Variants in FLRT2 observed in about 807,000 individuals in gnomAD.
The protein encoded by FLRT2 is fibronectin leucine rich transmembrane protein 2.
FLRT2 carries 15 observed loss-of-function variants against 40.0 expected under a neutral mutation model. The ratio of observed to expected loss-of-function variants is 0.38; its 90% CI spans 0.25 to 0.58. The LOEUF (loss-of-function observed/expected upper bound fraction) is 0.58, where lower values mean the gene tolerates loss of function less well. Among genes scored for constraint, FLRT2 ranks in the 20% least tolerant of loss-of-function variants. FLRT2 has a pLI of 0.71. For synonymous variants in FLRT2, 380 were observed against 336.8 expected, an observed-to-expected ratio of 1.13 and a Z score of -1.41; for missense variants, 726 against 840.0, an observed-to-expected ratio of 0.86 and a Z score of 1.68.
At chr14:85,616,320 CA>C (rs59010798) in intron 1 of FLRT2, among the ~76,000 whole-genome samples, 12,739 of 127,588 alleles carry the variant, frequency 0.1, 797 homozygotes, top group African/African-American at 0.21. Context: ...ATTTAAAAGA[CA>C]AAAAAAAAAA....
chr14:85,559,452 T>C (rs1890173012), intron 1 of FLRT2: 1 of 152,220 alleles, frequency 6.6e-6, no homozygotes, highest in South Asian at 2.1e-4. Flanking sequence ...TACACCAAAA[T>C]GAGTATTAGT....
chr14:85,623,423 A>ACAGAC lies in FLRT2; in HGVS notation c.1910_1914dup (p.Cys639GlnfsTer37). On this transcript the variant is annotated frameshift_variant, in exon 2 of 2. Transcript: ENST00000330753. LOFTEE classifies it high-confidence loss of function. ...CACCCCAAATGGGGGCATTAATTAC[A>ACAGAC]CAGACTGCCATATCCCCAACAACAT... 3 of 1,498,916 alleles carry ACAGAC rather than the reference A, an allele frequency of 2.0e-6. No individual in the cohort carries two copies. Among genetic ancestry groups the ACAGAC allele is most frequent in the Non-Finnish European group, 2.7e-6 (3 of 1,126,660 alleles). 92.9% of individuals were successfully genotyped at this position (1,498,916 alleles called of 1,614,324 possible).
At chr14:85,595,802 G>T (rs564545418) in intron 1 of FLRT2, among the ~76,000 whole-genome samples, 73 of 152,302 alleles carry the variant, frequency 4.8e-4, no homozygotes, top group African/African-American at 1.6e-3. Flanking sequence ...TCAATATCAA[G>T]TAACAGACCC....
rs1444726560 is a variant in FLRT2, at chr14:85,628,502, A to T, written c.*5005A>T. The T allele has an allele frequency of 6.6e-6, 1 of 152,154 alleles. No homozygotes were observed. Among genetic ancestry groups the T allele is most frequent in the Non-Finnish European group, 1.5e-5 (1 of 68,046 alleles). 9.4% of individuals were successfully genotyped at this position (152,154 alleles called of 1,614,324 possible). On this transcript the variant is annotated 3_prime_UTR_variant, in exon 2 of 2. Transcript: ENST00000330753. ...TCTCATAGTACTTTTCTGCCGCAGAATTTATAGCACATCTGTCCATCCTTT... is the reference window on the plus strand; with the variant it reads ...TCTCATAGTACTTTTCTGCCGCAGATTTTATAGCACATCTGTCCATCCTTT...
intron 1 of FLRT2, among the ~76,000 whole-genome samples, chr14:85,586,057 A>C (rs1318786422): frequency 6.7e-6 from 1 of 148,436 alleles, no homozygotes; most frequent in Non-Finnish European, 1.5e-5. Context: ...TACTTAAGTG[A>C]TATAAGCTAT....
intron 1 of FLRT2, among the ~76,000 whole-genome samples, chr14:85,617,097 T>C (rs578220133): frequency 2.0e-4 from 31 of 152,090 alleles, no homozygotes; most frequent in African/African-American, 7.2e-4. Context: ...TGGCAACATC[T>C]GGAGACATTT....
intron 1 of FLRT2, among the ~76,000 whole-genome samples, chr14:85,603,941 C>T (rs1175357483): frequency 2.0e-5 from 3 of 152,150 alleles, no homozygotes. Context: ...CATAAGGTAA[C>T]TTTTCCTTGT....
chr14:85,560,550 C>T (rs976192225), intron 1 of FLRT2, among the ~76,000 whole-genome samples: 1 of 151,824 alleles, frequency 6.6e-6, no homozygotes, highest in Non-Finnish European at 1.5e-5. Context: ...CACTGCACTC[C>T]AGCCTGGGCT....
chr14:85,576,637 C>T (rs1891137870), intron 1 of FLRT2, among the ~76,000 whole-genome samples: 1 of 152,204 alleles, frequency 6.6e-6, no homozygotes, highest in Non-Finnish European at 1.5e-5. Flanking sequence ...AATGCAATGG[C>T]AGTACACACT....
chr14:85,568,607 G>A (rs910157934), intron 1 of FLRT2, among the ~76,000 whole-genome samples: 1 of 152,018 alleles, frequency 6.6e-6, no homozygotes, highest in African/African-American at 2.4e-5. Context: ...CTGCTTTTTT[G>A]TTGTTGTTGT....
In FLRT2 at chr14:85,635,191, T is replaced by A. The variant is rs1217680749; in HGVS notation, c.*11694T>A. 1 of 152,160 alleles carries A rather than the reference T, an allele frequency of 6.6e-6. No homozygotes were observed. Among genetic ancestry groups the A allele is most frequent in the Non-Finnish European group, 1.5e-5 (1 of 68,010 alleles). 9.4% of individuals were successfully genotyped at this position (152,160 alleles called of 1,614,324 possible). Reference sequence around the variant, plus strand: ...AATCACAAAGAACTGTGACTTTGTATCTGTGTGATATTATTTAATGTCCCT... The same window carrying A: ...AATCACAAAGAACTGTGACTTTGTAACTGTGTGATATTATTTAATGTCCCT... On this transcript the variant is annotated 3_prime_UTR_variant, in exon 2 of 2. Coordinates refer to ENST00000330753, the MANE Select transcript of FLRT2 (RefSeq NM_013231.6).
chr14:85,591,894 T>C (rs1217481932), intron 1 of FLRT2, among the ~76,000 whole-genome samples: 2 of 152,220 alleles, frequency 1.3e-5, no homozygotes, highest in Non-Finnish European at 2.9e-5. Flanking sequence ...AAGCCCTGAC[T>C]CTTATGGATG....
chr14:85,623,399 A>T lies in FLRT2; in HGVS notation c.1885A>T (p.Thr629Ser). The T allele has an allele frequency of 2.0e-6, 3 of 1,508,344 alleles. No individual in the cohort carries two copies. Among genetic ancestry groups the T allele is most frequent in the Non-Finnish European group, 2.7e-6 (3 of 1,131,210 alleles). 93.4% of individuals were successfully genotyped at this position (1,508,344 alleles called of 1,614,324 possible). Residue 629 changes from threonine (T) to serine (S), a missense_variant, in exon 2 of 2, where the codon ACC becomes TCC. By Grantham distance (58) the Thr-to-Ser change is moderately conservative. Coordinates refer to ENST00000330753, the MANE Select transcript of FLRT2 (RefSeq NM_013231.6). ...KGDFRLQPIY[T>S]PNGGINYTDC... is the part of the protein sequence containing the mutation. ...AGATTTCAGACTGCAGCCCATTTACACCCCAAATGGGGGCATTAATTACAC... is the reference window on the plus strand; with the variant it reads ...AGATTTCAGACTGCAGCCCATTTACTCCCCAAATGGGGGCATTAATTACAC...
intron 1 of FLRT2, chr14:85,551,845 T>C (rs1194163987): frequency 6.6e-6 from 1 of 152,194 alleles, no homozygotes; most frequent in Non-Finnish European, 1.5e-5. Flanking sequence ...TTCTTAAAGT[T>C]TCCATTTTGA....
chr14:85,587,224 G>A (rs1336958019), intron 1 of FLRT2, among the ~76,000 whole-genome samples: 2 of 151,150 alleles, frequency 1.3e-5, no homozygotes, highest in East Asian at 3.9e-4. Flanking sequence ...TCAGGAAGTG[G>A]GCATGAGTAG....
chr14:85,582,078 A>G (rs1891411866), intron 1 of FLRT2, among the ~76,000 whole-genome samples: 1 of 152,176 alleles, frequency 6.6e-6, no homozygotes, highest in South Asian at 2.1e-4. Flanking sequence ...CATAATGTTA[A>G]CTACCACTCT....
chr14:85,542,504 A>T (rs1889036812), intron 1 of FLRT2, among the ~76,000 whole-genome samples: 1 of 152,166 alleles, frequency 6.6e-6, no homozygotes, highest in Admixed American at 6.5e-5. Flanking sequence ...TAATATATAC[A>T]TATAATTAAT....
intron 1 of FLRT2, among the ~76,000 whole-genome samples, chr14:85,616,619 C>T (rs180697870): frequency 2.0e-5 from 3 of 152,156 alleles, no homozygotes; most frequent in Non-Finnish European, 4.4e-5. Flanking sequence ...TGGCTTGGGC[C>T]TCTCTATCCT....
Position 85,635,434 on chromosome 14 carries a change from G to T in FLRT2, c.*11937G>T, listed in dbSNP as rs1265723183. Reference sequence around the variant, plus strand: ...GAAATACAAACTATATTACTAAGTAGACTATTAATAAAACACTTTATTTAA... The same window carrying T: ...GAAATACAAACTATATTACTAAGTATACTATTAATAAAACACTTTATTTAA... On this transcript the variant is annotated 3_prime_UTR_variant, in exon 2 of 2. Coordinates refer to ENST00000330753, the MANE Select transcript of FLRT2 (RefSeq NM_013231.6). 1 of 151,986 alleles carries T rather than the reference G, an allele frequency of 6.6e-6. No homozygotes were observed. The highest frequency in any genetic ancestry group is 6.6e-5 in the Admixed American group (1 of 15,250). 9.4% of individuals were successfully genotyped at this position (151,986 alleles called of 1,614,324 possible). A position where few individuals can be genotyped will look rare whatever the true frequency, so the allele number is the denominator to read the frequency against.
Sources: gnomAD v4.1 joint callset for allele counts (sites outside exome capture counted in the v4.1 genomes callset) on GRCh38, gnomAD v4.1.1 for gene constraint, MANE v1.5 for transcripts, NCBI Gene and HGNC (gene_info 2026-07-23, HGNC 2026-07-21) for gene names.